The following ITGA6 variants were observed in gnomAD, a reference collection of about 807,000 sequenced individuals.
The protein encoded by ITGA6 is integrin subunit alpha 6.
In ITGA6, 63 loss-of-function variants were observed where a neutral mutation model predicts 133.6. The observed-to-expected ratio is 0.47, with a 90% confidence interval of 0.38 to 0.58. The LOEUF (loss-of-function observed/expected upper bound fraction) is 0.58, where lower values mean the gene tolerates loss of function less well. Among genes scored for constraint, ITGA6 ranks in the 20% least tolerant of loss-of-function variants. The pLI, the probability that ITGA6 is intolerant of heterozygous loss-of-function variation, is 0.00. For missense variants in ITGA6, 1,068 were observed against 1,309.4 expected, an observed-to-expected ratio of 0.82 and a Z score of 2.85; for synonymous variants, 434 against 482.0, an observed-to-expected ratio of 0.90 and a Z score of 1.30.
At chr2:172,468,797 AAAATG>A (rs535600221) in intron 3 of ITGA6, among the ~76,000 whole-genome samples, 302 of 152,380 alleles carry the variant, frequency 2.0e-3, no homozygotes, top group Admixed American at 3.5e-3. Flanking sequence ...TTGAATTAAG[AAAATG>A]AAATAAGGTG....
chr2:172,476,550 A>T (rs777923880), intron 9 of ITGA6, 37 bp downstream of exon 9: 1 of 1,196,568 alleles, frequency 8.4e-7, no homozygotes. Context: ...AGCATGTTCT[A>T]TAATCAGGTT....
At chr2:172,436,292 A>G (rs956129866) in intron 1 of ITGA6, among the ~76,000 whole-genome samples, 1 of 152,248 alleles carries the variant, frequency 6.6e-6, no homozygotes, top group South Asian at 2.1e-4. Flanking sequence ...ATCCCAGACT[A>G]GAGAAGTGTT....
chr2:172,448,330 CT>C (rs1305523157), intron 1 of ITGA6, among the ~76,000 whole-genome samples: 1 of 151,894 alleles, frequency 6.6e-6, no homozygotes, highest in Non-Finnish European at 1.5e-5. Flanking sequence ...AAAGGAGACT[CT>C]TGGAGTAGTG....
chr2:172,497,909 C>A, intron 23 of ITGA6, 66 bp from the exon 24 acceptor site: 1 of 1,583,542 alleles, frequency 6.3e-7, no homozygotes, highest in South Asian at 1.1e-5. Context: ...GAATTAGAAC[C>A]ATAAACTCCT....
At chr2:172,467,679 C>A in intron 3 of ITGA6, 119 bp downstream of exon 3, 2 of 782,132 alleles carry the variant, frequency 2.6e-6, no homozygotes, top group Non-Finnish European at 4.4e-6. Context: ...TGCTTTAAAG[C>A]AGGAATGGAT....
intron 1 of ITGA6, among the ~76,000 whole-genome samples, chr2:172,437,055 C>G (rs1339467218): frequency 6.6e-6 from 1 of 152,172 alleles, no homozygotes; most frequent in Non-Finnish European, 1.5e-5. Context: ...GAGAGAATGG[C>G]AAACACAAAG....
intron 1 of ITGA6, among the ~76,000 whole-genome samples, chr2:172,436,880 A>G (rs768753713): frequency 5.9e-5 from 9 of 152,254 alleles, no homozygotes; most frequent in Admixed American, 6.5e-5. Context: ...TTAGATAGTA[A>G]TAATTAATGC....
In ITGA6 at chr2:172,475,097, A is replaced by G; in HGVS notation, c.1155A>G (p.Gly385=). 1 of 1,592,662 alleles carries G rather than the reference A, an allele frequency of 6.3e-7. No individual in the cohort carries two copies. The highest frequency in any genetic ancestry group is 1.1e-5 in the South Asian group (1 of 90,662). Residue 385 remains glycine, a synonymous_variant, in exon 7 of 26, where the codon GGA becomes GGG. Coordinates refer to ENST00000684293, the MANE Select transcript of ITGA6 (RefSeq NM_000210.4). ...TTGGCATTGCAGTAAAAAATATTGG[A>G]GATATTAATCAAGATGGCTACCCAG... ...SMFGIAVKNI[G]DINQDGYPDI...
intron 1 of ITGA6, among the ~76,000 whole-genome samples, chr2:172,451,847 C>G (rs1057445218): frequency 6.6e-6 from 1 of 152,004 alleles, no homozygotes; most frequent in Non-Finnish European, 1.5e-5. Context: ...CTGTCTGCTG[C>G]GAGCTCCTGC....
rs1256388995 is a variant in ITGA6, at chr2:172,474,195, A to G, written c.916A>G (p.Ile306Val). Residue 306 changes from isoleucine to valine, a missense_variant, in exon 6 of 26, where the codon ATA becomes GTA. Around this residue, in one of 3 missense-constraint regions of ITGA6, gnomAD observed 317 missense variants for 456.9 expected, o/e 0.69. Transcript: ENST00000684293. Reference sequence around the variant, plus strand: ...GTCTGCACATCTCCTCCCTGAGCACATATTCGATGGAGAAGGTCTGGCCTC... The same window carrying G: ...GTCTGCACATCTCCTCCCTGAGCACGTATTCGATGGAGAAGGTCTGGCCTC... ...MKSAHLLPEH[I>V]FDGEGLASSF... 6.2e-7 allele frequency: 1 copy of G among 1,614,132 alleles called. No individual in the cohort carries two copies. The highest frequency in any genetic ancestry group is 8.5e-7 in the Non-Finnish European group (1 of 1,180,032).
chr2:172,495,973 T>C (rs1393608188), intron 23 of ITGA6, among the ~76,000 whole-genome samples: 1 of 152,240 alleles, frequency 6.6e-6, no homozygotes, highest in African/African-American at 2.4e-5. Context: ...CTGGAACTTT[T>C]TCTTACAAAT....
intron 11 of ITGA6, among the ~76,000 whole-genome samples, chr2:172,482,232 GGGT>G (rs1686478239): frequency 6.6e-6 from 1 of 152,178 alleles, no homozygotes. Flanking sequence ...GGCCTTTTAT[GGGT>G]GGAACTTTCC....
In ITGA6 at chr2:172,467,523, T is replaced by C; in HGVS notation, c.350T>C (p.Val117Ala). 1 of 1,613,764 alleles carries C rather than the reference T, an allele frequency of 6.2e-7. No individual in the cohort carries two copies. The highest frequency in any genetic ancestry group is 8.5e-7 in the Non-Finnish European group (1 of 1,179,772). ...SESKEDQWMG[V>A]TVQSQGPGGK... Reference sequence around the variant, plus strand: ...AGCAAGGAAGATCAGTGGATGGGGGTCACCGTCCAGAGCCAAGGTCCAGGG... The same window carrying C: ...AGCAAGGAAGATCAGTGGATGGGGGCCACCGTCCAGAGCCAAGGTCCAGGG... The change falls in exon 3 of 26, where the codon GTC (valine) becomes GCC (alanine). Residue 117 changes from valine (V) to alanine (A), a missense_variant. Physicochemically the swap from Val to Ala is moderately conservative, Grantham distance 64. Around this residue, in one of 3 missense-constraint regions of ITGA6, gnomAD observed 317 missense variants for 456.9 expected, o/e 0.69. Transcript: ENST00000684293.
chr2:172,446,411 T>C (rs549806391), intron 1 of ITGA6, among the ~76,000 whole-genome samples: 2 of 152,342 alleles, frequency 1.3e-5, no homozygotes, highest in East Asian at 3.9e-4. Flanking sequence ...CTTGGTACAC[T>C]TGAAATAGAA....
intron 1 of ITGA6, among the ~76,000 whole-genome samples, chr2:172,453,855 G>A (rs1685104028): frequency 6.6e-6 from 1 of 152,206 alleles, no homozygotes; most frequent in African/African-American, 2.4e-5. Context: ...TGTCCTGTAA[G>A]TGCTAGGCAC....
rs6715727 is a variant in ITGA6, at chr2:172,498,277, C to T, written c.3114+177C>T. ...TTACCATGAACACCTGTATATTTAC[C>T]GAATATTTTGTATTTAAAGTATATT... On this transcript the variant is annotated intron_variant, in intron 24 of 25. Transcript: ENST00000684293. Among the ~76,000 whole-genome samples the T allele has an allele frequency of 0.024, 3,602 of 152,166 alleles. 145 individuals carry two copies. Among genetic ancestry groups the T allele is most frequent in the African/African-American group, 0.082 (3,391 of 41,518 alleles).
At chr2:172,450,090 C>A (rs1337358379) in intron 1 of ITGA6, among the ~76,000 whole-genome samples, 1 of 152,106 alleles carries the variant, frequency 6.6e-6, no homozygotes, top group Non-Finnish European at 1.5e-5. Flanking sequence ...AGGACAGAAA[C>A]GGAGTCAGTG....
rs1201599728 is a variant in ITGA6 at position 172,505,768 on chromosome 2, G to A, written c.*1700G>A. 1 of 151,788 alleles carries A rather than the reference G, an allele frequency of 6.6e-6. No individual in the cohort carries two copies. The highest frequency in any genetic ancestry group is 1.5e-5 in the Non-Finnish European group (1 of 68,006). The allele number at this position is 151,788 out of a possible 1,614,324, so 9.4% of individuals were successfully genotyped here. ...GAAATCTTAAACCTTAAGATACTAA[G>A]GACGTTGTTTTGGTTGTACTTTGGA... On this transcript the variant is annotated 3_prime_UTR_variant, in exon 26 of 26. Coordinates refer to ENST00000684293, the MANE Select transcript of ITGA6 (RefSeq NM_000210.4).
intron 1 of ITGA6, among the ~76,000 whole-genome samples, chr2:172,436,742 T>C (rs1221340431): frequency 6.6e-6 from 1 of 152,188 alleles, no homozygotes; most frequent in African/African-American, 2.4e-5. Context: ...TCAACAGATA[T>C]TCACTGAGTA....
Sources: gnomAD v4.1 joint callset for allele counts (sites outside exome capture counted in the v4.1 genomes callset) on GRCh38, gnomAD v4.1.1 for gene constraint, gnomAD v4.1.1 regional missense constraint, MANE v1.5 for transcripts, NCBI Gene and HGNC (gene_info 2026-07-23, HGNC 2026-07-21) for gene names.